TBC1D5: variants seen among roughly 807,000 people sequenced by gnomAD.
The protein encoded by TBC1D5 is TBC1 domain family, member 5.
Under a neutral mutation model 100.3 loss-of-function variants are expected in TBC1D5, and 75 were observed. That is an observed-to-expected ratio of 0.75 (90% confidence interval 0.62 to 0.91). The LOEUF (loss-of-function observed/expected upper bound fraction) is 0.91, where lower values mean the gene tolerates loss of function less well. Ranked by LOEUF, TBC1D5 falls within the 40% of genes least tolerant of loss-of-function variation. The pLI, the probability that TBC1D5 is intolerant of heterozygous loss-of-function variation, is 0.00. For missense variants in TBC1D5, 910 were observed against 942.4 expected (o/e 0.97, Z 0.45); for synonymous variants, 323 against 325.6 (o/e 0.99, Z 0.09).
chr3:17,635,616 G>A (rs1560338340), intron 1 of TBC1D5, among the ~76,000 whole-genome samples: 1 of 152,024 alleles, frequency 6.6e-6, no homozygotes, highest in Non-Finnish European at 1.5e-5. Flanking sequence ...GAAGGTGGAG[G>A]TTGCAGTGAG....
intron 2 of TBC1D5, among the ~76,000 whole-genome samples, chr3:17,610,049 T>C (rs2061570888): frequency 6.6e-6 from 1 of 152,236 alleles, no homozygotes; most frequent in Non-Finnish European, 1.5e-5. Flanking sequence ...TGCCCATTTT[T>C]ATCGAGTAAC....
chr3:17,315,174 C>A (rs949551177), intron 13 of TBC1D5, among the ~76,000 whole-genome samples: 7 of 152,246 alleles, frequency 4.6e-5, no homozygotes, highest in African/African-American at 1.7e-4. Context: ...CTCTACATGT[C>A]TAACCATTCA....
chr3:17,707,251 A>C (rs1410411380), intron 1 of TBC1D5, among the ~76,000 whole-genome samples: 1 of 152,030 alleles, frequency 6.6e-6, no homozygotes, highest in African/African-American at 2.4e-5. Flanking sequence ...TTTTATTGTT[A>C]ATTTATCTCA....
intron 1 of TBC1D5, chr3:17,706,260 A>G (rs555684029): frequency 1.9e-6 from 3 of 1,548,450 alleles, no homozygotes; most frequent in Admixed American, 3.9e-5. Flanking sequence ...GTACTTCTTC[A>G]CATACTCAGC....
In TBC1D5 at chr3:17,271,201, T is replaced by C. The variant is rs568365788; in HGVS notation, c.1246-12610A>G. Among the ~76,000 whole-genome samples the C allele has an allele frequency of 7.2e-5, 11 of 152,288 alleles. No individual in the cohort carries two copies. The South Asian group carries it at 2.3e-3, about 32-fold the overall frequency. ...AGCAGTTTTGAATCTGTAGATTGCT[T>C]TGGGCAGTAGGACATTTTAATGGTA... On this transcript the variant is annotated intron_variant, in intron 15 of 21. Coordinates refer to ENST00000253692, the Ensembl canonical transcript of TBC1D5.
intron 1 of TBC1D5, among the ~76,000 whole-genome samples, chr3:17,719,569 G>A (rs2075523731): frequency 1.3e-5 from 2 of 152,096 alleles, no homozygotes; most frequent in South Asian, 4.1e-4. Flanking sequence ...CAGCACTGAA[G>A]AGATACATGA....
chr3:17,393,694 G>A (rs1220830338), intron 8 of TBC1D5, among the ~76,000 whole-genome samples: 1 of 152,046 alleles, frequency 6.6e-6, no homozygotes, highest in Non-Finnish European at 1.5e-5. Context: ...CCTGATCTTT[G>A]ACAAACCTGA....
intron 13 of TBC1D5, among the ~76,000 whole-genome samples, chr3:17,340,901 G>T (rs183517173): frequency 1.3e-5 from 2 of 152,206 alleles, no homozygotes; most frequent in Admixed American, 1.3e-4. Context: ...TACTTTCTTA[G>T]TCACCACTGG....
intron 2 of TBC1D5, among the ~76,000 whole-genome samples, chr3:17,547,360 G>C (rs768914447): frequency 6.6e-6 from 1 of 152,026 alleles, no homozygotes; most frequent in Non-Finnish European, 1.5e-5. Flanking sequence ...CCATTTAGAA[G>C]ACAAATTAAA....
intron 4 of TBC1D5, among the ~76,000 whole-genome samples, chr3:17,424,340 AGAG>A (rs985538723): frequency 1.3e-5 from 2 of 152,162 alleles, no homozygotes; most frequent in Non-Finnish European, 2.9e-5. Flanking sequence ...GCCCTTGGGA[AGAG>A]GAGGAGAGGA....
chr3:17,652,325 T>G (rs927775692), intron 1 of TBC1D5, among the ~76,000 whole-genome samples: 2 of 152,144 alleles, frequency 1.3e-5, no homozygotes, highest in Admixed American at 1.3e-4. Context: ...ATTATATTTA[T>G]CATATGAAAA....
At chr3:17,250,362 T>A (rs1382141424) in intron 16 of TBC1D5, among the ~76,000 whole-genome samples, 1 of 152,216 alleles carries the variant, frequency 6.6e-6, no homozygotes, top group Non-Finnish European at 1.5e-5. Context: ...TTAATTTAAG[T>A]CAGATCATAT....
intron 1 of TBC1D5, chr3:17,706,010 C>T: frequency 1.3e-6 from 2 of 1,486,870 alleles, no homozygotes; most frequent in Non-Finnish European, 1.8e-6. Context: ...CGGAGTCTTG[C>T]TGTCACCCAG....
At chr3:17,170,456 A>T (rs1185196267) in intron 19 of TBC1D5, among the ~76,000 whole-genome samples, 2 of 152,178 alleles carry the variant, frequency 1.3e-5, no homozygotes, top group Admixed American at 1.3e-4. Flanking sequence ...ACAAAGGGGG[A>T]ATCTGCAGAA....
chr3:17,455,324 GTGTATATATGTATA>G (rs1333198613), intron 3 of TBC1D5, among the ~76,000 whole-genome samples: 50 of 133,652 alleles, frequency 3.7e-4, no homozygotes, highest in African/African-American at 1.3e-3. Flanking sequence ...ATGTGTATAT[GTGTATATATGTATA>G]TGTATATATG....
chr3:17,650,416 T>C (rs1341009969), intron 1 of TBC1D5, among the ~76,000 whole-genome samples: 4 of 152,124 alleles, frequency 2.6e-5, no homozygotes, highest in Non-Finnish European at 4.4e-5. Flanking sequence ...AAAATGCACA[T>C]GTACATGGAC....
At chr3:17,394,130 A>C (rs1445379506) in intron 8 of TBC1D5, among the ~76,000 whole-genome samples, 2 of 152,110 alleles carry the variant, frequency 1.3e-5, no homozygotes, top group East Asian at 3.9e-4. Flanking sequence ...CCAAAATGTT[A>C]ATACTCCCAA....
At chr3:17,592,601 G>A (rs1332631619) in intron 2 of TBC1D5, among the ~76,000 whole-genome samples, 1 of 152,234 alleles carries the variant, frequency 6.6e-6, no homozygotes, top group Non-Finnish European at 1.5e-5. Flanking sequence ...CATTTGTCAA[G>A]TGACCTGAAA....
intron 21 of TBC1D5, among the ~76,000 whole-genome samples, chr3:17,162,347 A>C (rs1467036571): frequency 1.3e-5 from 2 of 152,192 alleles, no homozygotes; most frequent in East Asian, 3.8e-4. Flanking sequence ...CAAGAAGGGG[A>C]ATGAGTAACA....
Sources: allele counts gnomAD v4.1 joint callset (sites outside exome capture counted in the v4.1 genomes callset), GRCh38; gene constraint gnomAD v4.1.1; transcripts MANE v1.5; gene names NCBI Gene and HGNC (gene_info 2026-07-23, HGNC 2026-07-21).